Variants in TJP1 observed in about 807,000 individuals in gnomAD.
The protein encoded by TJP1 is tight junction protein 1, also known as tight junction protein ZO-1.
In TJP1, 43 loss-of-function variants were observed where a neutral mutation model predicts 194.2. The ratio of observed to expected loss-of-function variants is 0.22; its 90% CI spans 0.17 to 0.29. The LOEUF is 0.29. TJP1 is among the 10% of genes least tolerant of loss of function. The pLI, the probability that TJP1 is intolerant of heterozygous loss-of-function variation, is 1.00. For synonymous variants in TJP1, 801 were observed against 779.0 expected, an observed-to-expected ratio of 1.03 and a Z score of -0.47; for missense variants, 1,971 against 2,185.7, an observed-to-expected ratio of 0.90 and a Z score of 1.96.
At chr15:29,732,302 A>T in intron 15 of TJP1, 131 bp downstream of exon 15, 1 of 776,880 alleles carries the variant, frequency 1.3e-6, no homozygotes, top group Non-Finnish European at 2.1e-6. Context: ...TCACCAAATT[A>T]AAAGAATGGG....
chr15:29,737,619 T>C (rs984171652), intron 10 of TJP1, among the ~76,000 whole-genome samples: 2 of 152,214 alleles, frequency 1.3e-5, no homozygotes, highest in Admixed American at 6.5e-5. Context: ...AGTTTTGGAA[T>C]ATTCAAATTT....
At chr15:29,846,810 C>T (rs2051429028) in intron 2 of TJP1, among the ~76,000 whole-genome samples, 1 of 151,978 alleles carries the variant, frequency 6.6e-6, no homozygotes, top group African/African-American at 2.4e-5. Flanking sequence ...CCTGTAGTCC[C>T]AGCTACTCAG....
intron 8 of TJP1, chr15:29,760,062 G>GT (rs1482272362): frequency 9.5e-6 from 5 of 528,752 alleles, no homozygotes; most frequent in Non-Finnish European, 1.3e-5. Flanking sequence ...CAGAATGGCC[G>GT]TATCAATTAC....
In TJP1 at chr15:29,950,114, TCCACAACCACCACCTCCACCACCA is replaced by T. The variant is rs1399737153; in HGVS notation, c.306+6094_306+6117del. Among the ~76,000 whole-genome samples, 168 of 17,338 alleles carry T rather than the reference TCCACAACCACCACCTCCACCACCA, an allele frequency of 9.7e-3. 16 individuals are homozygous for T. The highest frequency in any genetic ancestry group is 0.013 in the Non-Finnish European group (118 of 9,190). 11.4% of individuals were successfully genotyped at this position (17,338 alleles called of 152,430 possible). A position where few individuals can be genotyped will look rare whatever the true frequency, so the allele number is the denominator to read the frequency against. ...CACCACCACCTCCACCACCACCACC[TCCACAACCACCACCTCCACCACCA>T]CCACAACCACCACCTCCACCACCAC... is the stretch of plus-strand genomic sequence containing the variant. On this transcript the variant is annotated intron_variant, in intron 2 of 28. Coordinates refer to the TJP1 transcript ENST00000356107.
At chr15:29,943,903 GTGC>G (rs1407548345) in intron 2 of TJP1, among the ~76,000 whole-genome samples, 3 of 151,558 alleles carry the variant, frequency 2.0e-5, no homozygotes, top group Non-Finnish European at 4.4e-5. Flanking sequence ...AGCCAAGATT[GTGC>G]CACTGCACTC....
chr15:29,878,116 C>G (rs1328951217), intron 2 of TJP1, among the ~76,000 whole-genome samples: 1 of 152,148 alleles, frequency 6.6e-6, no homozygotes, highest in Non-Finnish European at 1.5e-5. Context: ...GTGGTGCGAT[C>G]TCAGCTCACT....
chr15:29,796,341 A>T (rs920432054), intron 2 of TJP1, among the ~76,000 whole-genome samples: 4 of 142,896 alleles, frequency 2.8e-5, no homozygotes, highest in African/African-American at 1.0e-4. Context: ...AGGTTGCTAT[A>T]AAAAAAAAAA....
At chr15:29,968,805 C>T (rs2056421368) in exon 1 of TJP1, 2 of 1,184,324 alleles carry the variant, frequency 1.7e-6, no homozygotes, top group African/African-American at 1.6e-5. Context: ...CCGCCTCCGC[C>T]GCCGCCGCAG....
In TJP1 at chr15:29,701,443, C is replaced by T. The variant is rs753740207; in HGVS notation, c.*152G>A. On this transcript the variant is annotated 3_prime_UTR_variant, in exon 28 of 28. Coordinates refer to ENST00000614355, the MANE Select transcript of TJP1 (RefSeq NM_001330239.4). ...ATGTTTTCCGACCATGGTTCAGGGG[C>T]ATGCTCACTCATCTTTATCAGTTCA... 1.7e-6 allele frequency: 1 copy of T among 602,428 alleles called. No individual in the cohort carries two copies. Among genetic ancestry groups the T allele is most frequent in the Non-Finnish European group, 2.9e-6 (1 of 343,926 alleles). The allele number at this position is 602,428 out of a possible 1,614,324, so 37.3% of individuals were successfully genotyped here. A position where few individuals can be genotyped will look rare whatever the true frequency, so the allele number is the denominator to read the frequency against.
At chr15:29,712,234 T>A (rs1173484635) in intron 23 of TJP1, among the ~76,000 whole-genome samples, 1 of 152,260 alleles carries the variant, frequency 6.6e-6, no homozygotes, top group Non-Finnish European at 1.5e-5. Flanking sequence ...TTGGCTTTTT[T>A]ATCTTGCTTT....
At chr15:29,902,849 C>A (rs778401949) in intron 2 of TJP1, among the ~76,000 whole-genome samples, 19 of 152,164 alleles carry the variant, frequency 1.2e-4, no homozygotes, top group Non-Finnish European at 2.8e-4. Flanking sequence ...TCCTGGCCAA[C>A]ACGGTGAAAC....
chr15:29,963,899 G>A (rs576096050), intron 1 of TJP1, among the ~76,000 whole-genome samples: 19 of 152,206 alleles, frequency 1.2e-4, no homozygotes, highest in African/African-American at 4.3e-4. Context: ...TAATCTGCCC[G>A]CCTCAGCCTT....
At chr15:29,784,944 G>C (rs1192575740) in intron 2 of TJP1, among the ~76,000 whole-genome samples, 1 of 152,190 alleles carries the variant, frequency 6.6e-6, no homozygotes, top group Non-Finnish European at 1.5e-5. Context: ...AAAGTTGACA[G>C]AGGTAGATTA....
chr15:29,849,611 T>G (rs2051559657), intron 2 of TJP1, among the ~76,000 whole-genome samples: 2 of 151,944 alleles, frequency 1.3e-5, no homozygotes, highest in African/African-American at 4.8e-5. Flanking sequence ...TAGTGGCATG[T>G]GCCTGTAATC....
intron 2 of TJP1, among the ~76,000 whole-genome samples, chr15:29,949,249 C>A (rs536718399): frequency 4.5e-5 from 5 of 112,300 alleles, no homozygotes; most frequent in African/African-American, 2.3e-4. Context: ...CCACCTTCAC[C>A]ACCACCTCCA....
intron 2 of TJP1, among the ~76,000 whole-genome samples, chr15:29,929,508 C>G (rs2152267858): frequency 6.6e-6 from 1 of 152,126 alleles, no homozygotes; most frequent in East Asian, 1.9e-4. Context: ...ACCAGCCTGG[C>G]CAACACGGCA....
intron 23 of TJP1, among the ~76,000 whole-genome samples, chr15:29,711,418 T>C (rs976177873): frequency 6.6e-6 from 1 of 152,128 alleles, no homozygotes; most frequent in African/African-American, 2.4e-5. Flanking sequence ...CAGACTGGAG[T>C]GCAGTGGCGC....
At chr15:29,856,904 C>CT (rs201788746) in intron 2 of TJP1, among the ~76,000 whole-genome samples, 1 of 151,586 alleles carries the variant, frequency 6.6e-6, no homozygotes, top group Non-Finnish European at 1.5e-5. Context: ...CATGTACAAA[C>CT]TTTTTTTCTT....
At chr15:29,736,023 A>G (rs960584487) in intron 11 of TJP1, among the ~76,000 whole-genome samples, 17 of 152,222 alleles carry the variant, frequency 1.1e-4, no homozygotes, top group African/African-American at 3.9e-4. Context: ...AAGTATCAGT[A>G]AAGAGGCAGG....
Sources: allele counts gnomAD v4.1 joint callset (sites outside exome capture counted in the v4.1 genomes callset), GRCh38; gene constraint gnomAD v4.1.1; transcripts MANE v1.5; gene names NCBI Gene and HGNC (gene_info 2026-07-23, HGNC 2026-07-21).